The following RHBDD1 variants were observed in gnomAD, a reference collection of about 807,000 sequenced individuals.
RHBDD1 encodes rhomboid-related protein 4.
RHBDD1 carries 38 observed loss-of-function variants against 36.3 expected under a neutral mutation model. That is an observed-to-expected ratio of 1.05 (90% confidence interval 0.81 to 1.37). The LOEUF (loss-of-function observed/expected upper bound fraction) is 1.37. Ranked by LOEUF, RHBDD1 falls within the 40% of genes most tolerant of loss-of-function variation. The probability of loss-of-function intolerance (pLI) is 0.00; values close to 1 mark genes in which losing one functional copy is unlikely to be tolerated. For missense variants in RHBDD1, 393 were observed against 377.6 expected, an observed-to-expected ratio of 1.04 and a Z score of -0.34; for synonymous variants, 151 against 136.5, an observed-to-expected ratio of 1.11 and a Z score of -0.74.
intron 5 of RHBDD1, among the ~76,000 whole-genome samples, chr2:226,873,993 A>G (rs1455048855): frequency 6.6e-6 from 1 of 152,108 alleles, no homozygotes; most frequent in East Asian, 1.9e-4. Flanking sequence ...GGTGGAGGTG[A>G]TTCAAGGTCG....
At chr2:226,920,799 C>G (rs1194062725) in intron 8 of RHBDD1, among the ~76,000 whole-genome samples, 1 of 152,058 alleles carries the variant, frequency 6.6e-6, no homozygotes, top group African/African-American at 2.4e-5. Context: ...CATCAATGTT[C>G]ATCAGGGATA....
At chr2:226,905,440 T>C (rs1947972636) in intron 5 of RHBDD1, among the ~76,000 whole-genome samples, 1 of 152,100 alleles carries the variant, frequency 6.6e-6, no homozygotes, top group Non-Finnish European at 1.5e-5. Flanking sequence ...GATGTGACAG[T>C]GGGGCATGTG....
intron 5 of RHBDD1, among the ~76,000 whole-genome samples, chr2:226,872,677 G>T (rs554751566): frequency 1.3e-5 from 2 of 152,124 alleles, no homozygotes; most frequent in African/African-American, 4.8e-5. Context: ...GCAGGTTTTA[G>T]TTTTCTTCAT....
At chr2:226,807,693 G>A in the RHBDD1 span, 1 of 152,308 alleles carries the variant, frequency 6.6e-6, no homozygotes, top group Non-Finnish European at 1.5e-5. Flanking sequence ...AAATAACAGT[G>A]GACACAATCA....
chr2:226,941,178 C>G (rs1288654617), intron 8 of RHBDD1, among the ~76,000 whole-genome samples: 5 of 152,134 alleles, frequency 3.3e-5, no homozygotes, highest in African/African-American at 1.2e-4. Flanking sequence ...GTTGGCCAGG[C>G]TGGTCTCAAA....
At chr2:226,875,763 A>ATG (rs1380526552) in intron 5 of RHBDD1, among the ~76,000 whole-genome samples, 2 of 152,314 alleles carry the variant, frequency 1.3e-5, no homozygotes, top group East Asian at 3.9e-4. Flanking sequence ...ATCACAATCT[A>ATG]TCCATAAATG....
At chr2:226,966,725 A>G (rs1952659304) in intron 8 of RHBDD1, among the ~76,000 whole-genome samples, 1 of 152,136 alleles carries the variant, frequency 6.6e-6, no homozygotes, top group African/African-American at 2.4e-5. Flanking sequence ...GCTTGTTAGA[A>G]ATGCATATTT....
At chr2:226,978,934 G>A (rs990187275) in intron 8 of RHBDD1, among the ~76,000 whole-genome samples, 2 of 152,164 alleles carry the variant, frequency 1.3e-5, no homozygotes, top group African/African-American at 4.8e-5. Context: ...TGGGGAAATG[G>A]TTTAGGGTTG....
intron 4 of RHBDD1, among the ~76,000 whole-genome samples, chr2:226,866,217 A>G (rs1056874870): frequency 3.2e-4 from 48 of 152,052 alleles, no homozygotes; most frequent in African/African-American, 1.1e-3. Context: ...ACTACAAGGC[A>G]CGCACCACCA....
intron 3 of RHBDD1, among the ~76,000 whole-genome samples, chr2:226,854,516 C>T (rs528198151): frequency 1.1e-3 from 169 of 149,586 alleles, no homozygotes; most frequent in African/African-American, 4.1e-3. Context: ...ATTGCTTAAA[C>T]CTGGGAGGCG....
chr2:226,988,248 A>T (rs1485774284), intron 8 of RHBDD1: 30 of 1,268,478 alleles, frequency 2.4e-5, no homozygotes, highest in Non-Finnish European at 3.1e-5. Flanking sequence ...TGGGAGTAGG[A>T]CTCATATCAG....
intron 8 of RHBDD1, among the ~76,000 whole-genome samples, chr2:226,924,935 G>A (rs1407619636): frequency 6.6e-6 from 1 of 152,200 alleles, no homozygotes; most frequent in East Asian, 1.9e-4. Flanking sequence ...CTCTTTCAGT[G>A]TTGTGAAGTT....
chr2:226,888,384 C>T (rs576567683), intron 5 of RHBDD1, among the ~76,000 whole-genome samples: 5 of 150,706 alleles, frequency 3.3e-5, no homozygotes, highest in Non-Finnish European at 7.4e-5. Context: ...GTATTAAATA[C>T]TGTTTGGATC....
chr2:226,896,540 G>A (rs61067328), intron 5 of RHBDD1, among the ~76,000 whole-genome samples: 74,006 of 151,908 alleles, frequency 0.49, 19,027 homozygotes, highest in African/African-American at 0.67. Flanking sequence ...ATCTTTTACC[G>A]GGACTACATT....
At chr2:226,936,361 A>G (rs953049353) in intron 8 of RHBDD1, among the ~76,000 whole-genome samples, 8 of 152,166 alleles carry the variant, frequency 5.3e-5, no homozygotes, top group Non-Finnish European at 1.2e-4. Flanking sequence ...TTTCAAATCT[A>G]TGAAATTAGG....
intron 5 of RHBDD1, among the ~76,000 whole-genome samples, chr2:226,870,450 T>G (rs1165434743): frequency 6.6e-6 from 1 of 152,206 alleles, no homozygotes; most frequent in Non-Finnish European, 1.5e-5. Flanking sequence ...TTGCTCCTAC[T>G]TGACTTTTTT....
the RHBDD1 span, among the ~76,000 whole-genome samples, chr2:226,822,438 C>T: frequency 5.9e-5 from 9 of 152,032 alleles, no homozygotes; most frequent in African/African-American, 2.2e-4. Flanking sequence ...AGTTTGAGAT[C>T]AGCCTGGCCA....
chr2:226,845,679 G>C (rs1942134943), intron 3 of RHBDD1, among the ~76,000 whole-genome samples: 1 of 152,202 alleles, frequency 6.6e-6, no homozygotes, highest in Admixed American at 6.5e-5. Flanking sequence ...CTGTATTGCA[G>C]CAGTGTGCCC....
At chr2:226,853,676 A>G (rs1943051675) in intron 3 of RHBDD1, among the ~76,000 whole-genome samples, 1 of 152,212 alleles carries the variant, frequency 6.6e-6, no homozygotes, top group Non-Finnish European at 1.5e-5. Context: ...GACTTTTACT[A>G]AATTGGGCAC....
Sources: allele counts gnomAD v4.1 joint callset (sites outside exome capture counted in the v4.1 genomes callset), GRCh38; gene constraint gnomAD v4.1.1; transcripts MANE v1.5; gene names NCBI Gene and HGNC (gene_info 2026-07-23, HGNC 2026-07-21).